The following ARPP19 variants were observed in gnomAD, a reference collection of about 807,000 sequenced individuals.
ARPP19 encodes cAMP regulated phosphoprotein 19, also known as cAMP-regulated phosphoprotein 19.
ARPP19 carries 8 observed loss-of-function variants against 12.0 expected under a neutral mutation model. That is an observed-to-expected ratio of 0.67 (90% CI 0.39 to 1.21). The LOEUF is 1.21. Ranked by LOEUF, ARPP19 falls within the 50% of genes most tolerant of loss-of-function variation. The pLI is 0.01. For synonymous variants in ARPP19, 47 were observed against 50.4 expected, an observed-to-expected ratio of 0.93 and a Z score of 0.29; for missense variants, 102 against 136.3, an observed-to-expected ratio of 0.75 and a Z score of 1.25.
chr15:52,560,104 G>A (rs2078018204), intron 1 of ARPP19, among the ~76,000 whole-genome samples: 1 of 152,146 alleles, frequency 6.6e-6, no homozygotes, highest in South Asian at 2.1e-4. Context: ...GGTTTCCAGT[G>A]TTTCTGCAGG....
chr15:52,559,322 T>C (rs143096100), intron 1 of ARPP19, among the ~76,000 whole-genome samples: 27 of 152,312 alleles, frequency 1.8e-4, no homozygotes, highest in African/African-American at 6.3e-4. Context: ...AAACCTGCCA[T>C]TCCCACGTTA....
chr15:52,554,996 A>G (rs972307411), intron 2 of ARPP19, among the ~76,000 whole-genome samples: 6 of 152,124 alleles, frequency 3.9e-5, no homozygotes, highest in Non-Finnish European at 8.8e-5. Context: ...TAATTTGTCA[A>G]GTTTGCTAAC....
rs375145133 is a variant in ARPP19 at position 52,568,895 on chromosome 15, T to C, written c.-3A>G. On this transcript the variant is annotated 5_prime_UTR_variant, in exon 1 of 3. Coordinates refer to ENST00000249822, the MANE Select transcript of ARPP19 (RefSeq NM_006628.6). ...GCCTCGGGGACTTCCGCAGACATAG[T>C]GCTCCCTCTGCAGACGAGACGCCGG... 3.8e-4 allele frequency: 573 copies of C among 1,507,390 alleles called. 2 individuals carry two copies. The African/African-American group carries it at 7.8e-3, about 21-fold the overall frequency. The allele number at this position is 1,507,390 out of a possible 1,614,324, so 93.4% of individuals were successfully genotyped here. A position where few individuals can be genotyped will look rare whatever the true frequency, so the allele number is the denominator to read the frequency against.
At chr15:52,555,649 A>T (rs1460081909) in intron 2 of ARPP19, among the ~76,000 whole-genome samples, 1 of 152,048 alleles carries the variant, frequency 6.6e-6, no homozygotes, top group Admixed American at 6.6e-5. Flanking sequence ...AATAAATAAG[A>T]GATTATTGAT....
chr15:52,560,145 C>T (rs796524087), intron 1 of ARPP19, among the ~76,000 whole-genome samples: 4 of 152,220 alleles, frequency 2.6e-5, no homozygotes, highest in African/African-American at 9.6e-5. Context: ...AAGGAAAATA[C>T]CTTGTACACA....
At position 52,568,930 on chromosome 15, in the gene ARPP19, C is replaced by T; in HGVS notation, c.-38G>A. 1 of 1,135,034 alleles carries T rather than the reference C, an allele frequency of 8.8e-7. No homozygotes were observed. The highest frequency in any genetic ancestry group is 1.3e-6 in the Non-Finnish European group (1 of 796,728). 70.3% of individuals were successfully genotyped at this position (1,135,034 alleles called of 1,614,324 possible). On this transcript the variant is annotated 5_prime_UTR_variant, in exon 1 of 3. Coordinates refer to ENST00000249822, the MANE Select transcript of ARPP19 (RefSeq NM_006628.6). ...GCAGACGAGACGCCGGGAAAAGATG[C>T]AATTAGCGGGTGGCCGAGGCCACCC...
chr15:52,553,267 AATT>A (rs1208799097), intron 2 of ARPP19, among the ~76,000 whole-genome samples: 3 of 152,182 alleles, frequency 2.0e-5, no homozygotes, highest in Admixed American at 2.0e-4. Flanking sequence ...ACTCACTAGA[AATT>A]ATTACTTAAA....
rs138087707 is a variant in ARPP19 at position 52,567,319 on chromosome 15, C to T, written c.45+1529G>A. Among the ~76,000 whole-genome samples the T allele has an allele frequency of 8.4e-4, 128 of 152,296 alleles. 1 individual carries two copies. The highest frequency in any genetic ancestry group is 3.1e-3 in the African/African-American group (127 of 41,550). Reference sequence around the variant, plus strand: ...CTATCCTTAATATTGTTAAAAGATACATTAGGCTTTTCCAAGTAAAAGTAT... The same window carrying T: ...CTATCCTTAATATTGTTAAAAGATATATTAGGCTTTTCCAAGTAAAAGTAT... On this transcript the variant is annotated intron_variant, in intron 1 of 2. Transcript: ENST00000249822.
intron 1 of ARPP19, chr15:52,568,499 A>C (rs1026970967): frequency 1.7e-5 from 4 of 241,652 alleles, no homozygotes; most frequent in African/African-American, 9.1e-5. Flanking sequence ...GAGTTCTTCA[A>C]AGGAAAAAAT....
At chr15:52,561,439 A>G (rs1285023081) in intron 1 of ARPP19, among the ~76,000 whole-genome samples, 1 of 152,246 alleles carries the variant, frequency 6.6e-6, no homozygotes, top group Non-Finnish European at 1.5e-5. Context: ...TGTAATTTTA[A>G]TATCTTTATC....
rs1278982821 is a variant in ARPP19, at chr15:52,548,325, A to AAT, written c.*3608_*3609insAT. 1 of 152,126 alleles carries AAT rather than the reference A, an allele frequency of 6.6e-6. No homozygotes were observed. Among genetic ancestry groups the AAT allele is most frequent in the Non-Finnish European group, 1.5e-5 (1 of 68,070 alleles). The allele number at this position is 152,126 out of a possible 1,614,324, so 9.4% of individuals were successfully genotyped here. On this transcript the variant is annotated 3_prime_UTR_variant, in exon 3 of 3. Coordinates refer to ENST00000249822, the MANE Select transcript of ARPP19 (RefSeq NM_006628.6). ...AACATGGTGAAACCCCATCTCTACT[A>AAT]AAAGTACAAAAATTGGCTGGGCATG...
At chr15:52,563,559 G>A (rs1052110008) in intron 1 of ARPP19, among the ~76,000 whole-genome samples, 1 of 152,174 alleles carries the variant, frequency 6.6e-6, no homozygotes, top group East Asian at 1.9e-4. Flanking sequence ...AATAGGTGGG[G>A]TATAAGTTAT....
At chr15:52,559,861 A>G (rs976648460) in intron 1 of ARPP19, among the ~76,000 whole-genome samples, 1 of 152,180 alleles carries the variant, frequency 6.6e-6, no homozygotes, top group African/African-American at 2.4e-5. Context: ...GGCTTCAAAT[A>G]ATTTTGGCTG....
intron 1 of ARPP19, 154 bp from the exon 2 acceptor site, chr15:52,557,376 C>T: frequency 1.6e-6 from 1 of 625,362 alleles, no homozygotes; most frequent in Non-Finnish European, 2.7e-6. Flanking sequence ...TAAAACATCT[C>T]TATCTTGTTT....
chr15:52,553,565 T>C (rs2077955159), intron 2 of ARPP19, among the ~76,000 whole-genome samples: 1 of 152,162 alleles, frequency 6.6e-6, no homozygotes, highest in South Asian at 2.1e-4. Context: ...AATAGTCAAG[T>C]AAATCAACAA....
At chr15:52,569,105 C>T (rs1050471438), upstream of ARPP19, 3 of 548,838 alleles carry the variant, frequency 5.5e-6, no homozygotes, top group East Asian at 3.5e-5. Flanking sequence ...CCGCACCGCA[C>T]CCCTACCTAC....
intron 2 of ARPP19, among the ~76,000 whole-genome samples, chr15:52,554,575 T>C (rs1422480904): frequency 1.3e-5 from 2 of 152,116 alleles, no homozygotes; most frequent in Non-Finnish European, 2.9e-5. Flanking sequence ...ATGACAATCT[T>C]ATAAAAGCCT....
In ARPP19 at chr15:52,548,452, A is replaced by T. The variant is rs1595858256; in HGVS notation, c.*3482T>A. 1 of 151,930 alleles carries T rather than the reference A, an allele frequency of 6.6e-6. No homozygotes were observed. The highest frequency in any genetic ancestry group is 1.9e-4 in the East Asian group (1 of 5,160). 9.4% of individuals were successfully genotyped at this position (151,930 alleles called of 1,614,324 possible). The stretch of plus-strand genomic sequence containing the variant: ...CAGTGAGCCAAGATCGCACCACTGC[A>T]CTCCAGCCTGGGCAAGAGTGAGACT... On this transcript the variant is annotated 3_prime_UTR_variant, in exon 3 of 3. Transcript: ENST00000249822.
At chr15:52,553,250 GAAAT>G (rs1466616962) in intron 2 of ARPP19, among the ~76,000 whole-genome samples, 2 of 152,042 alleles carry the variant, frequency 1.3e-5, no homozygotes, top group African/African-American at 4.8e-5. Flanking sequence ...AGTAATGAAA[GAAAT>G]AAACTCACTA....
Sources: allele counts gnomAD v4.1 joint callset (sites outside exome capture counted in the v4.1 genomes callset), GRCh38; gene constraint gnomAD v4.1.1; transcripts MANE v1.5; gene names NCBI Gene and HGNC (gene_info 2026-07-23, HGNC 2026-07-21).